SCGB2B2: variants seen among roughly 807,000 people sequenced by gnomAD.
SCGB2B2 encodes secretoglobin-like protein.
In SCGB2B2, 11 loss-of-function variants were observed where a neutral mutation model predicts 7.6. That is an observed-to-expected ratio of 1.45 (90% CI 0.91 to 2.40). The LOEUF is 2.40. Ranked by LOEUF, SCGB2B2 falls within the 30% of genes most tolerant of loss-of-function variation. The pLI is 0.00. For synonymous variants in SCGB2B2, 50 were observed against 48.6 expected (o/e 1.03, Z -0.12); for missense variants, 104 against 115.4 (o/e 0.90, Z 0.45).
At chr19:34,655,184 G>C (rs2067251522) in intron 1 of SCGB2B2, among the ~76,000 whole-genome samples, 1 of 151,232 alleles carries the variant, frequency 6.6e-6, no homozygotes, top group Non-Finnish European at 1.5e-5. Flanking sequence ...TGAAAAACTA[G>C]TTCAGGTGAA....
intron 1 of SCGB2B2, among the ~76,000 whole-genome samples, chr19:34,649,928 A>T (rs2067120346): frequency 6.6e-6 from 1 of 151,026 alleles, no homozygotes; most frequent in Non-Finnish European, 1.5e-5. Flanking sequence ...CCAATGCCTG[A>T]CCATCTGTTC....
intron 1 of SCGB2B2, among the ~76,000 whole-genome samples, chr19:34,618,949 T>A (rs1476789131): frequency 1.3e-5 from 2 of 152,226 alleles, no homozygotes; most frequent in Non-Finnish European, 2.9e-5. Context: ...TTATTTAAAG[T>A]CATAGAAGCA....
intron 1 of SCGB2B2, among the ~76,000 whole-genome samples, chr19:34,624,198 A>G (rs536211910): frequency 1.3e-5 from 2 of 152,290 alleles, no homozygotes; most frequent in African/African-American, 2.4e-5. Flanking sequence ...CCCAGCAAAA[A>G]TACAATTTGT....
chr19:34,638,448 C>T (rs552495185), intron 1 of SCGB2B2, among the ~76,000 whole-genome samples: 1 of 133,800 alleles, frequency 7.5e-6, no homozygotes, highest in African/African-American at 2.8e-5. Flanking sequence ...GTCTCCAAAA[C>T]AAAAAAAAAA....
intron 1 of SCGB2B2, among the ~76,000 whole-genome samples, chr19:34,619,516 C>T (rs544567860): frequency 2.4e-4 from 36 of 152,140 alleles, no homozygotes; most frequent in African/African-American, 7.9e-4. Context: ...AGATGGCAAG[C>T]GATGGGCAAA....
chr19:34,649,122 G>A (rs1568440250), intron 1 of SCGB2B2, among the ~76,000 whole-genome samples: 1 of 152,100 alleles, frequency 6.6e-6, no homozygotes, highest in East Asian at 1.9e-4. Context: ...TGGCCAGGCT[G>A]GTCTTGAACT....
At chr19:34,602,758 AT>A (rs750150034) in intron 1 of SCGB2B2, among the ~76,000 whole-genome samples, 23 of 152,126 alleles carry the variant, frequency 1.5e-4, no homozygotes, top group Non-Finnish European at 3.4e-4. Context: ...CCTTTTCCTT[AT>A]CTCCCTTTAG....
intron 1 of SCGB2B2, among the ~76,000 whole-genome samples, chr19:34,619,416 AT>A (rs34305413): frequency 0.86 from 131,496 of 152,130 alleles, 57,493 homozygotes; most frequent in African/African-American, 0.92. Flanking sequence ...TGGCTTTTGA[AT>A]TTTTTTTACT....
intron 3 of SCGB2B2, among the ~76,000 whole-genome samples, 199 bp from the exon 4 acceptor site, chr19:34,593,798 C>T (rs999823603): frequency 5.3e-5 from 8 of 151,906 alleles, no homozygotes; most frequent in African/African-American, 1.7e-4. Context: ...TGGTGTAACA[C>T]GTGTATGCAT....
downstream of SCGB2B2, among the ~76,000 whole-genome samples, chr19:34,588,098 T>C (rs1459551171): frequency 6.6e-6 from 1 of 152,256 alleles, no homozygotes; most frequent in Admixed American, 6.5e-5. Context: ...TTGAGAAGAA[T>C]TGCTATTAAT....
intron 1 of SCGB2B2, among the ~76,000 whole-genome samples, chr19:34,621,698 C>T (rs1253490902): frequency 6.6e-6 from 1 of 152,160 alleles, no homozygotes; most frequent in African/African-American, 2.4e-5. Context: ...TAAAACTTTA[C>T]AGGGAATATA....
chr19:34,626,158 A>G (rs2066370778), intron 1 of SCGB2B2, among the ~76,000 whole-genome samples: 1 of 152,188 alleles, frequency 6.6e-6, no homozygotes, highest in Non-Finnish European at 1.5e-5. Flanking sequence ...AAGATGGGGA[A>G]AAAACAGAGC....
rs2065302538 is a variant in SCGB2B2, at chr19:34,591,748, CA to C, written c.*1806del. 6.6e-6 allele frequency among the ~76,000 whole-genome samples: 1 copy of C among 152,234 alleles called. No homozygotes were observed. The highest frequency in any genetic ancestry group is 1.5e-5 in the Non-Finnish European group (1 of 68,042). ...CCAGACCTTCACCTGGTGGCTGCCTCAGGTTCTTCAGGACTCAGGGGAGATG... is the reference window on the plus strand; with the variant it reads ...CCAGACCTTCACCTGGTGGCTGCCTCGGTTCTTCAGGACTCAGGGGAGATG... On this transcript the variant is annotated 3_prime_UTR_variant, in exon 4 of 4. Coordinates refer to ENST00000601241, the MANE Select transcript of SCGB2B2 (RefSeq NM_001025591.4).
At chr19:34,627,349 G>A (rs1159991316) in intron 1 of SCGB2B2, among the ~76,000 whole-genome samples, 1 of 152,214 alleles carries the variant, frequency 6.6e-6, no homozygotes, top group African/African-American at 2.4e-5. Context: ...TCATTGTGCT[G>A]TATTCAGGAG....
At position 34,675,645 on chromosome 19, in the gene SCGB2B2, T is replaced by A. The variant is rs2067904171; in HGVS notation, c.-2047A>T. 6.6e-6 allele frequency: 1 copy of A among 152,432 alleles called. No homozygotes were observed. 9.4% of individuals were successfully genotyped at this position (152,432 alleles called of 1,614,324 possible). A position where few individuals can be genotyped will look rare whatever the true frequency, so the allele number is the denominator to read the frequency against. On this transcript the variant is annotated 5_prime_UTR_variant, in exon 1 of 4. Coordinates refer to ENST00000601241, the MANE Select transcript of SCGB2B2 (RefSeq NM_001025591.4). ...GGAGACTGACCTTTGGTGTCCTCAC[T>A]GCTGCTTGTTATGTGTCCGGAATTG...
intron 1 of SCGB2B2, among the ~76,000 whole-genome samples, chr19:34,606,772 A>C (rs2065791730): frequency 6.6e-6 from 1 of 151,960 alleles, no homozygotes; most frequent in South Asian, 2.1e-4. Flanking sequence ...TCTCTCACTC[A>C]GTTAATTTAT....
intron 1 of SCGB2B2, among the ~76,000 whole-genome samples, chr19:34,611,444 G>T: frequency 6.6e-6 from 1 of 151,704 alleles, no homozygotes; most frequent in Middle Eastern, 3.4e-3. Flanking sequence ...TTTGATGTGA[G>T]TACTTACTAT....
chr19:34,607,386 T>C (rs993282947), intron 1 of SCGB2B2, among the ~76,000 whole-genome samples: 9 of 152,238 alleles, frequency 5.9e-5, no homozygotes, highest in Non-Finnish European at 1.2e-4. Context: ...GTTGTTTCCC[T>C]ATCTTGGTGA....
At position 34,591,271 on chromosome 19, in the gene SCGB2B2, A is replaced by G. The variant is rs2065290423; in HGVS notation, c.*2284T>C. On this transcript the variant is annotated 3_prime_UTR_variant, in exon 4 of 4. Transcript: ENST00000601241. ...CAGGCTTCACCTTCTCAGCAGTGGCATCACATCCAGCCAGCTGCTCCAGCC... is the reference window on the plus strand; with the variant it reads ...CAGGCTTCACCTTCTCAGCAGTGGCGTCACATCCAGCCAGCTGCTCCAGCC... 1.3e-5 allele frequency among the ~76,000 whole-genome samples: 2 copies of G among 152,210 alleles called. No homozygotes were observed. Among genetic ancestry groups the G allele is most frequent in the Admixed American group, 6.5e-5 (1 of 15,278 alleles).
Sources: allele counts gnomAD v4.1 joint callset (sites outside exome capture counted in the v4.1 genomes callset), GRCh38; gene constraint gnomAD v4.1.1; transcripts MANE v1.5; gene names NCBI Gene and HGNC (gene_info 2026-07-23, HGNC 2026-07-21).